MCTP1: variants seen among roughly 807,000 people sequenced by gnomAD.
MCTP1 encodes the protein multiple C2 and transmembrane domain-containing protein 1.
MCTP1 carries 69 observed loss-of-function variants against 120.6 expected under a neutral mutation model. That is an observed-to-expected ratio of 0.57 (90% CI 0.47 to 0.70). The LOEUF (loss-of-function observed/expected upper bound fraction) is 0.70, where lower values mean the gene tolerates loss of function less well. MCTP1 is among the 30% of genes least tolerant of loss of function. MCTP1 has a pLI of 0.00. For synonymous variants in MCTP1, 529 were observed against 493.1 expected, an observed-to-expected ratio of 1.07 and a Z score of -0.96; for missense variants, 1,203 against 1,248.8, an observed-to-expected ratio of 0.96 and a Z score of 0.55.
At chr5:95,033,618 A>T (rs765308250) in intron 1 of MCTP1, among the ~76,000 whole-genome samples, 21 of 152,094 alleles carry the variant, frequency 1.4e-4, no homozygotes, top group Non-Finnish European at 2.4e-4. Flanking sequence ...CATAGCTAAC[A>T]TCACACTGAA....
chr5:94,825,432 C>T (rs1786772777), intron 17 of MCTP1, among the ~76,000 whole-genome samples: 1 of 152,094 alleles, frequency 6.6e-6, no homozygotes, highest in East Asian at 1.9e-4. Flanking sequence ...TGTTCTTTTG[C>T]ATTTGCTGAG....
intron 2 of MCTP1, among the ~76,000 whole-genome samples, chr5:95,015,677 A>G (rs1836960013): frequency 6.6e-6 from 1 of 152,092 alleles, no homozygotes; most frequent in Non-Finnish European, 1.5e-5. Flanking sequence ...AACACATCCT[A>G]TACATTTTTC....
chr5:94,923,027 T>C (rs1424261614), intron 7 of MCTP1, among the ~76,000 whole-genome samples: 1 of 140,302 alleles, frequency 7.1e-6, no homozygotes, highest in Non-Finnish European at 1.5e-5. Context: ...AAAAAGTGCA[T>C]GTGCATTCGA....
chr5:94,948,432 C>T (rs1412648854), intron 3 of MCTP1, among the ~76,000 whole-genome samples: 1 of 152,014 alleles, frequency 6.6e-6, no homozygotes. Context: ...TATAGTCATG[C>T]TTTTTTGTTT....
At chr5:95,226,135 C>G (rs1175418337) in intron 1 of MCTP1, among the ~76,000 whole-genome samples, 1 of 151,956 alleles carries the variant, frequency 6.6e-6, no homozygotes, top group South Asian at 2.1e-4. Flanking sequence ...TCCCTCACCC[C>G]CTTCCCACCA....
At chr5:94,845,978 A>G (rs575616166) in intron 17 of MCTP1, among the ~76,000 whole-genome samples, 1 of 152,326 alleles carries the variant, frequency 6.6e-6, no homozygotes, top group East Asian at 1.9e-4. Flanking sequence ...CAGAATGGCT[A>G]TTACTGAAAA....
chr5:95,156,280 C>T (rs1031898328), intron 1 of MCTP1, among the ~76,000 whole-genome samples: 19 of 152,106 alleles, frequency 1.2e-4, no homozygotes, highest in Non-Finnish European at 2.4e-4. Flanking sequence ...TTTGTTACAC[C>T]GGAAGAGAAG....
Position 94,912,884 on chromosome 5 carries a change from G to A in MCTP1, c.1443C>T (p.Asp481=). The A allele has an allele frequency of 6.2e-7, 1 of 1,600,386 alleles. No homozygotes were observed. Residue 481 remains aspartate, a synonymous_variant, in exon 9 of 23, where the codon GAC becomes GAT. Transcript: ENST00000515393. Reference sequence around the variant, plus strand: ...ACCCGTTGGAATCCATGGCCTTGAGGTCTCTCCCTTCAATCAAGGTGATGC... The same window carrying A: ...ACCCGTTGGAATCCATGGCCTTGAGATCTCTCCCTTCAATCAAGGTGATGC... ...IVSITLIEGR[D]LKAMDSNGLS... is the part of the protein sequence containing the mutation.
intron 19 of MCTP1, among the ~76,000 whole-genome samples, chr5:94,748,477 T>C (rs557222779): frequency 6.6e-6 from 1 of 152,322 alleles, no homozygotes; most frequent in East Asian, 1.9e-4. Context: ...GGTACATACA[T>C]CCTTTGTGGC....
At position 94,888,882 on chromosome 5, in the gene MCTP1, T is replaced by G. The variant is rs1801912580; in HGVS notation, c.1930A>C (p.Thr644Pro). Reference protein sequence around the residue: ...RAEGLMAADVTGKSDPFCVVE... With the variant: ...RAEGLMAADVPGKSDPFCVVE... ...GGAGAATTGCATCATCTCTTACCAG[T>G]GACGTCGGCAGCCATTAACCCTTCC... Residue 644 changes from threonine (T) to proline (P), a missense_variant, in exon 12 of 23, where the codon ACT becomes CCT. Physicochemically the swap from Thr to Pro is conservative, Grantham distance 38. Around this residue, in one of 2 missense-constraint regions of MCTP1, gnomAD observed 740 missense variants for 871.1 expected, o/e 0.85. Coordinates refer to ENST00000515393, the MANE Select transcript of MCTP1 (RefSeq NM_024717.7). 1 of 1,603,608 alleles carries G rather than the reference T, an allele frequency of 6.2e-7. No homozygotes were observed. Among genetic ancestry groups the G allele is most frequent in the East Asian group, 2.2e-5 (1 of 44,802 alleles).
At chr5:94,826,848 T>C (rs1787236171) in intron 17 of MCTP1, among the ~76,000 whole-genome samples, 1 of 139,208 alleles carries the variant, frequency 7.2e-6, no homozygotes, top group African/African-American at 2.6e-5. Flanking sequence ...TCCCTTTATT[T>C]TGAGCCTGTG....
intron 17 of MCTP1, among the ~76,000 whole-genome samples, chr5:94,802,377 C>T (rs963723380): frequency 6.6e-6 from 1 of 152,066 alleles, no homozygotes; most frequent in African/African-American, 2.4e-5. Flanking sequence ...GTAGAACAGC[C>T]AATCATTTAT....
In MCTP1 at chr5:95,214,496, C is replaced by T. The variant is rs529540018; in HGVS notation, c.720+69360G>A. On this transcript the variant is annotated intron_variant, in intron 1 of 22. Transcript: ENST00000515393. ...TCTAGAACTAGAAATACCATTTGACCTAGCCATCCCATTACTGGGTATATA... is the reference window on the plus strand; with the variant it reads ...TCTAGAACTAGAAATACCATTTGACTTAGCCATCCCATTACTGGGTATATA... Among the ~76,000 whole-genome samples, 5 of 152,184 alleles carry T rather than the reference C, an allele frequency of 3.3e-5. No individual in the cohort carries two copies. The East Asian group carries it at 9.7e-4, about 29-fold the overall frequency.
At chr5:95,260,439 CA>C (rs1393829716) in intron 1 of MCTP1, among the ~76,000 whole-genome samples, 2 of 152,100 alleles carry the variant, frequency 1.3e-5, no homozygotes, top group African/African-American at 2.4e-5. Context: ...CAACTCATTA[CA>C]AAAAGAGTTA....
At chr5:94,911,693 T>C (rs1387827056) in intron 9 of MCTP1, among the ~76,000 whole-genome samples, 5 of 152,180 alleles carry the variant, frequency 3.3e-5, no homozygotes, top group Non-Finnish European at 7.3e-5. Flanking sequence ...TTTATAGAAG[T>C]GTGAGAATGA....
intron 1 of MCTP1, among the ~76,000 whole-genome samples, chr5:95,155,211 A>C (rs987791662): frequency 1.3e-4 from 20 of 152,176 alleles, no homozygotes; most frequent in African/African-American, 4.8e-4. Context: ...TGCATGACTA[A>C]AAATATAAAG....
chr5:94,868,539 TA>T lies in MCTP1; in HGVS notation c.2317-88del, dbSNP rs1173072776. 3.5e-5 allele frequency: 33 copies of T among 945,122 alleles called. No individual in the cohort carries two copies. In the Admixed American group the frequency reaches 1.1e-3, roughly 32 times the overall value. 58.5% of individuals were successfully genotyped at this position (945,122 alleles called of 1,614,324 possible). A position where few individuals can be genotyped will look rare whatever the true frequency, so the allele number is the denominator to read the frequency against. ...AAAATTCTTCAAGCTTATTGTGACT[TA>T]AAAAGGATTCAGAAAGTTAATAAAG... On this transcript the variant is annotated intron_variant, in intron 16 of 22. Transcript: ENST00000515393.
chr5:94,746,813 A>G (rs1037580804), intron 19 of MCTP1, among the ~76,000 whole-genome samples: 1 of 152,168 alleles, frequency 6.6e-6, no homozygotes, highest in Non-Finnish European at 1.5e-5. Flanking sequence ...CAGTGCTCAA[A>G]ACTCCACAAC....
At chr5:95,254,911 A>G (rs1757725859) in intron 1 of MCTP1, among the ~76,000 whole-genome samples, 1 of 152,212 alleles carries the variant, frequency 6.6e-6, no homozygotes, top group South Asian at 2.1e-4. Flanking sequence ...TGTGGGATAC[A>G]ACCCATTAGT....
Sources: gnomAD v4.1 joint callset for allele counts (sites outside exome capture counted in the v4.1 genomes callset) on GRCh38, gnomAD v4.1.1 for gene constraint, gnomAD v4.1.1 regional missense constraint, MANE v1.5 for transcripts, NCBI Gene and HGNC (gene_info 2026-07-23, HGNC 2026-07-21) for gene names.